ZNF831: variants seen among roughly 807,000 people sequenced by gnomAD.
ZNF831 encodes zinc finger protein 831, also known as chromosome 20 open reading frame 174.
Under a neutral mutation model 95.8 loss-of-function variants are expected in ZNF831, and 59 were observed. The observed-to-expected ratio is 0.62, with a 90% CI of 0.50 to 0.77. ZNF831 has a LOEUF of 0.77. ZNF831 is among the 30% of genes least tolerant of loss of function. The pLI is 0.00. For synonymous variants in ZNF831, 961 were observed against 925.5 expected, an observed-to-expected ratio of 1.04 and a Z score of -0.70; for missense variants, 2,205 against 2,164.0, an observed-to-expected ratio of 1.02 and a Z score of -0.38.
chr20:59,152,225 G>T (rs1980286138), intron 2 of ZNF831, among the ~76,000 whole-genome samples: 2 of 152,192 alleles, frequency 1.3e-5, no homozygotes, highest in African/African-American at 4.8e-5. Flanking sequence ...TAGGAGTCCA[G>T]AGAGCTAAGC....
upstream of ZNF831, among the ~76,000 whole-genome samples, chr20:59,162,527 A>G (rs544843879): frequency 6.6e-6 from 1 of 152,330 alleles, no homozygotes; most frequent in South Asian, 2.1e-4. Flanking sequence ...TAGTTTCCCC[A>G]GCACCATTTA....
At chr20:59,170,486 G>A (rs941908333) in intron 1 of ZNF831, among the ~76,000 whole-genome samples, 18 of 152,230 alleles carry the variant, frequency 1.2e-4, no homozygotes, top group South Asian at 4.1e-4. Flanking sequence ...TTCCGTTGTC[G>A]TCAGAGAACA....
intron 2 of ZNF831, among the ~76,000 whole-genome samples, chr20:59,147,915 G>T (rs1427123371): frequency 1.3e-5 from 2 of 152,238 alleles, no homozygotes; most frequent in Non-Finnish European, 2.9e-5. Flanking sequence ...GGTGGTAAAA[G>T]GGGGGATTAC....
At chr20:59,186,379 G>T (rs763876170) in intron 1 of ZNF831, among the ~76,000 whole-genome samples, 15 of 152,270 alleles carry the variant, frequency 9.9e-5, no homozygotes, top group East Asian at 7.7e-4. Flanking sequence ...AAGACAGGGT[G>T]GGGGAGGAAC....
intron 1 of ZNF831, among the ~76,000 whole-genome samples, chr20:59,183,767 G>GA (rs1290355781): frequency 6.6e-6 from 1 of 152,162 alleles, no homozygotes; most frequent in Non-Finnish European, 1.5e-5. Context: ...TAGGTTTGCA[G>GA]AAAAATGAGG....
rs541314123 is a variant in ZNF831, at chr20:59,139,061, T to A, written c.-1424-7170T>A. Among the ~76,000 whole-genome samples, 39 of 152,228 alleles carry A rather than the reference T, an allele frequency of 2.6e-4. 1 individual carries two copies. The highest frequency in any genetic ancestry group is 5.2e-4 in the Admixed American group (8 of 15,286). ...CCTTCTGACATTATTTTATTTACAT[T>A]TATAAATAACGTGACAATTTATAAA... On this transcript the variant is annotated intron_variant, in intron 1 of 7. Transcript: ENST00000637017.
intron 1 of ZNF831, among the ~76,000 whole-genome samples, chr20:59,170,052 C>T (rs969382648): frequency 4.6e-5 from 7 of 152,012 alleles, no homozygotes; most frequent in African/African-American, 1.7e-4. Context: ...ATTATGCTTT[C>T]CTTTTACTAC....
At chr20:59,165,304 A>ATC (rs1981170423) in intron 1 of ZNF831, among the ~76,000 whole-genome samples, 1 of 152,160 alleles carries the variant, frequency 6.6e-6, no homozygotes, top group Non-Finnish European at 1.5e-5. Context: ...GCAGAGAACC[A>ATC]AGACTGTAAA....
rs2146603722 is a variant in ZNF831 at position 59,194,685 on chromosome 20, T to C, written c.3666T>C (p.Asn1222=). 6.2e-7 allele frequency: 1 copy of C among 1,610,960 alleles called. No homozygotes were observed. The highest frequency in any genetic ancestry group is 1.7e-5 in the Admixed American group (1 of 59,814). The change falls in exon 2 of 6, where the codon AAT becomes AAC. Residue 1222 remains asparagine, a synonymous_variant. Coordinates refer to ENST00000371030, the MANE Select transcript of ZNF831 (RefSeq NM_178457.3). ...PGSSLRDEGP[N]GPPGSNGGWT... ...GCAGCCTCCGAGATGAGGGTCCCAA[T>C]GGCCCTCCTGGGAGCAATGGAGGAT...
chr20:59,215,746 T>C (rs1985637914), intron 4 of ZNF831, among the ~76,000 whole-genome samples: 1 of 152,240 alleles, frequency 6.6e-6, no homozygotes, highest in African/African-American at 2.4e-5. Flanking sequence ...CTTTACTTAT[T>C]TTTTCTCCTA....
At position 59,165,270 on chromosome 20, in the gene ZNF831, G is replaced by C. The variant is rs1323351447; in HGVS notation, c.-37+1063G>C. Among the ~76,000 whole-genome samples, 3 of 152,156 alleles carry C rather than the reference G, an allele frequency of 2.0e-5. No homozygotes were observed. In the East Asian group the frequency reaches 5.8e-4, roughly 29 times the overall value. ...ACCAGCTAGAGAGACTTTTCTCCTGGTAGAGACCATGAACATCATGTAAGC... is the reference window on the plus strand; with the variant it reads ...ACCAGCTAGAGAGACTTTTCTCCTGCTAGAGACCATGAACATCATGTAAGC... On this transcript the variant is annotated intron_variant, in intron 1 of 5. Coordinates refer to ENST00000371030, the MANE Select transcript of ZNF831 (RefSeq NM_178457.3).
chr20:59,208,932 T>C lies in ZNF831; in HGVS notation c.4027+1876T>C, dbSNP rs1382687461. ...TCCCAGCACCTTAAGGACAGCCAAATGGAGCTGCTCCTGGAACTCCCCGTC... is the reference window on the plus strand; with the variant it reads ...TCCCAGCACCTTAAGGACAGCCAAACGGAGCTGCTCCTGGAACTCCCCGTC... On this transcript the variant is annotated intron_variant, in intron 4 of 5. Transcript: ENST00000371030. This position sits in a 1 kb window ranked among gnomAD's most constrained non-coding sequence, Gnocchi z 4.2. Among the ~76,000 whole-genome samples, 2 of 152,132 alleles carry C rather than the reference T, an allele frequency of 1.3e-5. No individual in the cohort carries two copies. Among genetic ancestry groups the C allele is most frequent in the Non-Finnish European group, 2.9e-5 (2 of 68,018 alleles).
intron 2 of ZNF831, among the ~76,000 whole-genome samples, chr20:59,195,015 G>T (rs1356952486): frequency 1.3e-5 from 2 of 152,250 alleles, no homozygotes; most frequent in African/African-American, 4.8e-5. Context: ...AGGTGAGATA[G>T]TCTTCATAAC....
chr20:59,163,015 G>GTT (rs1555820104), upstream of ZNF831, among the ~76,000 whole-genome samples: 17,149 of 69,756 alleles, frequency 0.25, 997 homozygotes, highest in African/African-American at 0.32. Flanking sequence ...GTATTCCTAG[G>GTT]TGTGTGTGTG....
intron 3 of ZNF831, among the ~76,000 whole-genome samples, chr20:59,205,568 T>C (rs970517785): frequency 6.6e-6 from 1 of 152,264 alleles, no homozygotes; most frequent in Non-Finnish European, 1.5e-5. Flanking sequence ...AAGAGGATAC[T>C]GCATTCTGTA....
intron 4 of ZNF831, among the ~76,000 whole-genome samples, chr20:59,244,982 T>A (rs1208499481): frequency 6.6e-6 from 1 of 152,242 alleles, no homozygotes; most frequent in African/African-American, 2.4e-5. Flanking sequence ...GTTTTATACT[T>A]ACTTATTTCA....
chr20:59,181,262 C>A (rs1982597027), intron 1 of ZNF831, among the ~76,000 whole-genome samples: 2 of 152,166 alleles, frequency 1.3e-5, no homozygotes, highest in African/African-American at 4.8e-5. Context: ...CTTGTAGATT[C>A]TAGATATTAG....
At position 59,148,138 on chromosome 20, in the gene ZNF831, C is replaced by T. The variant is rs1019091519; in HGVS notation, c.-1281+1764C>T. ...GCCATTGACGCTAATTGTTAAGTGC[C>T]GTTGGTCAAGGCCAATGCATAGTCT... On this transcript the variant is annotated intron_variant, in intron 2 of 7. Coordinates refer to the ZNF831 transcript ENST00000637017. Among the ~76,000 whole-genome samples the T allele has an allele frequency of 5.3e-5, 8 of 152,288 alleles. No homozygotes were observed. In the East Asian group the frequency reaches 5.8e-4, roughly 11 times the overall value.
At chr20:59,141,092 G>A (rs926828346) in intron 1 of ZNF831, among the ~76,000 whole-genome samples, 4 of 152,072 alleles carry the variant, frequency 2.6e-5, no homozygotes, top group African/African-American at 7.2e-5. Flanking sequence ...TAGAGACGAG[G>A]TTTCACCATG....
Sources: allele counts gnomAD v4.1 joint callset (sites outside exome capture counted in the v4.1 genomes callset), GRCh38; gene constraint gnomAD v4.1.1; non-coding constraint Gnocchi (gnomAD v3.1); transcripts MANE v1.5; gene names NCBI Gene and HGNC (gene_info 2026-07-23, HGNC 2026-07-21).